CLEC16A: variants seen among roughly 807,000 people sequenced by gnomAD.
CLEC16A encodes C-type lectin domain containing 16A.
Under a neutral mutation model 109.5 loss-of-function variants are expected in CLEC16A, and 51 were observed. The observed-to-expected ratio is 0.47, with a 90% CI of 0.37 to 0.59. The LOEUF (loss-of-function observed/expected upper bound fraction) is 0.59. Among genes scored for constraint, CLEC16A ranks in the 20% least tolerant of loss-of-function variants. The pLI is 0.00. For synonymous variants in CLEC16A, 673 were observed against 564.2 expected, an observed-to-expected ratio of 1.19 and a Z score of -2.73; for missense variants, 1,339 against 1,394.0, an observed-to-expected ratio of 0.96 and a Z score of 0.63.
At chr16:11,037,665 T>C (rs1238327202) in intron 13 of CLEC16A, among the ~76,000 whole-genome samples, 1 of 152,186 alleles carries the variant, frequency 6.6e-6, no homozygotes, top group East Asian at 1.9e-4. Context: ...TGCCCCATTC[T>C]AGAAGGAGCG....
chr16:10,959,064 A>G (rs1031649107), intron 2 of CLEC16A, among the ~76,000 whole-genome samples: 3 of 148,158 alleles, frequency 2.0e-5, no homozygotes, highest in Non-Finnish European at 4.5e-5. Flanking sequence ...TGTATTATAA[A>G]TATTGAGGCC....
intron 19 of CLEC16A, among the ~76,000 whole-genome samples, chr16:11,061,336 G>A (rs1027685321): frequency 3.9e-5 from 6 of 152,322 alleles, no homozygotes; most frequent in Admixed American, 2.0e-4. Flanking sequence ...AAACATAGTG[G>A]CATCGGTTTG....
rs1382259298 is a variant in CLEC16A at position 11,179,730 on chromosome 16, A to G, written c.*1040A>G. On this transcript the variant is annotated 3_prime_UTR_variant, in exon 24 of 24. Transcript: ENST00000409790. Reference sequence around the variant, plus strand: ...CACCTGCCCTCGACTGTGTGTGCCCACATGTGCCGAGAGATGGCCCAGAGC... The same window carrying G: ...CACCTGCCCTCGACTGTGTGTGCCCGCATGTGCCGAGAGATGGCCCAGAGC... 6.6e-6 allele frequency: 1 copy of G among 152,348 alleles called. No homozygotes were observed. Among genetic ancestry groups the G allele is most frequent in the Non-Finnish European group, 1.5e-5 (1 of 68,134 alleles). The allele number at this position is 152,348 out of a possible 1,614,324, so 9.4% of individuals were successfully genotyped here. A position where few individuals can be genotyped will look rare whatever the true frequency, so the allele number is the denominator to read the frequency against.
intron 22 of CLEC16A, among the ~76,000 whole-genome samples, chr16:11,161,880 G>C (rs190992142): frequency 1.1e-3 from 170 of 152,324 alleles, no homozygotes; most frequent in Non-Finnish European, 2.0e-3. Context: ...CGAAACTCGT[G>C]TGCAAGCCCC....
chr16:10,947,854 A>T (rs1277366771), intron 1 of CLEC16A, among the ~76,000 whole-genome samples: 1 of 151,930 alleles, frequency 6.6e-6, no homozygotes, highest in Non-Finnish European at 1.5e-5. Flanking sequence ...TTATTTATTT[A>T]TTATTATTAT....
rs1268274231 is a variant in CLEC16A, at chr16:11,111,896, A to C, written c.2117-8719A>C. Among the ~76,000 whole-genome samples the C allele has an allele frequency of 2.0e-5, 3 of 152,252 alleles. No individual in the cohort carries two copies. The East Asian group carries it at 5.8e-4, about 29-fold the overall frequency. On this transcript the variant is annotated intron_variant, in intron 19 of 23. Transcript: ENST00000409790. ...AATAGAATACAAATGTTTTAGAAAA[A>C]TTAAGCATAAGCTCTCCTTTGCTGC...
intron 13 of CLEC16A, among the ~76,000 whole-genome samples, chr16:11,029,672 G>C (rs1330293415): frequency 6.6e-6 from 1 of 152,176 alleles, no homozygotes; most frequent in Non-Finnish European, 1.5e-5. Flanking sequence ...TAAGTTGCCT[G>C]AATTAGTAGG....
At chr16:11,112,362 C>T (rs556084104) in intron 19 of CLEC16A, among the ~76,000 whole-genome samples, 4 of 151,908 alleles carry the variant, frequency 2.6e-5, no homozygotes, top group Non-Finnish European at 4.4e-5. Context: ...TTAATATTTT[C>T]AAATAAAATA....
At chr16:10,944,856 G>A (rs775249259) in intron 1 of CLEC16A, 59 bp downstream of exon 1, 4 of 1,473,772 alleles carry the variant, frequency 2.7e-6, no homozygotes, top group Non-Finnish European at 3.7e-6. Context: ...GGGGCGCCGA[G>A]CTCCGGGTCG....
rs556026162 is a variant in CLEC16A, at chr16:11,038,282, G to A, written c.1538-1472G>A. On this transcript the variant is annotated intron_variant, in intron 13 of 23. Transcript: ENST00000409790. ...AAGGTTCTAAATGAAGCGTCATCTG[G>A]TACTCAAGGGACCGTATTTTAAGAG... 5.9e-5 allele frequency among the ~76,000 whole-genome samples: 9 copies of A among 152,300 alleles called. No homozygotes were observed. The South Asian group carries it at 1.7e-3, about 28-fold the overall frequency.
chr16:11,032,970 C>G (rs1253787876), intron 13 of CLEC16A, among the ~76,000 whole-genome samples: 2 of 152,004 alleles, frequency 1.3e-5, no homozygotes, highest in African/African-American at 4.8e-5. Flanking sequence ...GGCTACCAGA[C>G]AGAAAGTAGA....
At chr16:10,993,068 G>A (rs1177040216) in intron 10 of CLEC16A, among the ~76,000 whole-genome samples, 2 of 152,136 alleles carry the variant, frequency 1.3e-5, no homozygotes, top group African/African-American at 4.8e-5. Context: ...TCCTGGGTTG[G>A]TGGAAGAGAG....
At chr16:11,000,644 C>G (rs531412644) in intron 10 of CLEC16A, among the ~76,000 whole-genome samples, 2 of 152,032 alleles carry the variant, frequency 1.3e-5, no homozygotes, top group African/African-American at 2.4e-5. Flanking sequence ...TGGGGGCCCT[C>G]GGTTATTGGC....
chr16:11,152,797 C>T (rs188697620), intron 22 of CLEC16A, among the ~76,000 whole-genome samples: 3 of 152,196 alleles, frequency 2.0e-5, no homozygotes, highest in African/African-American at 4.8e-5. Flanking sequence ...CTCCAGCCTC[C>T]CTCTGACACT....
At chr16:11,077,183 A>G (rs959324415) in intron 19 of CLEC16A, among the ~76,000 whole-genome samples, 1 of 151,638 alleles carries the variant, frequency 6.6e-6, no homozygotes, top group Admixed American at 6.6e-5. Flanking sequence ...TTTCTCTACT[A>G]AAAAGGTCGG....
intron 20 of CLEC16A, among the ~76,000 whole-genome samples, chr16:11,122,670 G>A (rs1849921697): frequency 6.6e-6 from 1 of 152,228 alleles, no homozygotes; most frequent in Non-Finnish European, 1.5e-5. Context: ...CTTTTCCAAT[G>A]TTGTCCCCAC....
intron 10 of CLEC16A, among the ~76,000 whole-genome samples, chr16:10,985,815 C>G (rs562361643): frequency 1.3e-5 from 2 of 150,472 alleles, no homozygotes; most frequent in Admixed American, 6.6e-5. Context: ...CCTCTGGGTT[C>G]AAGCGTCAGC....
intron 19 of CLEC16A, among the ~76,000 whole-genome samples, chr16:11,076,392 G>A (rs1436564782): frequency 9.2e-5 from 14 of 152,026 alleles, no homozygotes; most frequent in Admixed American, 5.2e-4. Context: ...AGTAAGAGCC[G>A]CCACAGAAAA....
chr16:11,157,227 T>A, intron 22 of CLEC16A: 1 of 1,223,460 alleles, frequency 8.2e-7, no homozygotes, highest in Non-Finnish European at 1.1e-6. Flanking sequence ...TTAAGCGTTG[T>A]GAGGTGCAGC....
Sources: allele counts gnomAD v4.1 joint callset (sites outside exome capture counted in the v4.1 genomes callset), GRCh38; gene constraint gnomAD v4.1.1; transcripts MANE v1.5; gene names NCBI Gene and HGNC (gene_info 2026-07-23, HGNC 2026-07-21).